The following NCOR2 variants were observed in gnomAD, a reference collection of about 807,000 sequenced individuals.
The protein encoded by NCOR2 is nuclear receptor corepressor 2.
Under a neutral mutation model 262.9 loss-of-function variants are expected in NCOR2, and 81 were observed. The observed-to-expected ratio is 0.31, with a 90% CI of 0.26 to 0.37. NCOR2 has a LOEUF of 0.37. Ranked by LOEUF, NCOR2 falls within the 10% of genes least tolerant of loss-of-function variation. The pLI is 1.00. For missense variants in NCOR2, 3,385 were observed against 3,621.4 expected (o/e 0.93, Z 1.68); for synonymous variants, 1,659 against 1,559.3 (o/e 1.06, Z -1.51).
chr12:124,332,696 C>T (rs1343216908), intron 42 of NCOR2, among the ~76,000 whole-genome samples: 2 of 152,170 alleles, frequency 1.3e-5, no homozygotes, highest in Non-Finnish European at 2.9e-5. Flanking sequence ...GCGTGGTGGG[C>T]TGCCTCTGAC....
chr12:124,483,503 T>A lies in NCOR2; in HGVS notation c.411+93A>T. The A allele has an allele frequency of 4.1e-5, 53 of 1,278,250 alleles. No homozygotes were observed. The highest frequency in any genetic ancestry group is 2.8e-4 in the Middle Eastern group (1 of 3,524). 79.2% of individuals were successfully genotyped at this position (1,278,250 alleles called of 1,614,324 possible). A position where few individuals can be genotyped will look rare whatever the true frequency, so the allele number is the denominator to read the frequency against. ...CCAAGCCTTTGCCCGAGCTGCCCCC[T>A]CCCTGCACCCCTACCCACCACCTCC... On this transcript the variant is annotated intron_variant, in intron 3 of 46. Transcript: ENST00000405201. The surrounding 1 kb of genome is among the most constrained non-coding windows in gnomAD (Gnocchi z 6.3).
At chr12:124,445,907 GTGAGCACGTCTGAAAC>G (rs912680426) in intron 7 of NCOR2, among the ~76,000 whole-genome samples, 6 of 152,240 alleles carry the variant, frequency 3.9e-5, no homozygotes, top group African/African-American at 1.4e-4. Flanking sequence ...ACTGACCTTA[GTGAGCACGTCTGAAAC>G]TGAGCCCTAG....
At chr12:124,560,484 G>A (rs2052032342) in intron 1 of NCOR2, among the ~76,000 whole-genome samples, 1 of 152,216 alleles carries the variant, frequency 6.6e-6, no homozygotes, top group Admixed American at 6.5e-5. Flanking sequence ...GAAACAGGTG[G>A]TGGGCTGGCC....
intron 8 of NCOR2, 76 bp downstream of exon 10, chr12:124,437,854 G>GC: frequency 7.2e-7 from 1 of 1,386,314 alleles, no homozygotes; most frequent in Non-Finnish European, 1.0e-6. Flanking sequence ...CAGGGCCCCG[G>GC]CAGGTGTGGC....
upstream of NCOR2, among the ~76,000 whole-genome samples, chr12:124,540,349 A>G (rs957500897): frequency 6.9e-6 from 1 of 145,630 alleles, no homozygotes; most frequent in Non-Finnish European, 1.5e-5. Context: ...CAGCCTGTGC[A>G]AAGGCCCAGG....
intron 24 of NCOR2, 191 bp downstream of exon 26, chr12:124,355,239 TAC>T (rs1190216041): frequency 1.5e-6 from 1 of 675,972 alleles, no homozygotes; most frequent in African/African-American, 1.8e-5. Flanking sequence ...TTGACTGCAA[TAC>T]AGAGTGACCC....
intron 45 of NCOR2, among the ~76,000 whole-genome samples, chr12:124,326,639 G>C (rs1030573867): frequency 6.6e-6 from 1 of 152,080 alleles, no homozygotes; most frequent in East Asian, 1.9e-4. Flanking sequence ...ATAGCCCCCT[G>C]GGCTGTCCTG....
rs1215659717 is a variant in NCOR2 at position 124,517,495 on chromosome 12, G to A, written c.-118+18070C>T. Reference sequence around the variant, plus strand: ...TGATTTCAAACCAGACATGGGCACCGAGCCAAGCGCCACCTCGGTGGGGAG... The same window carrying A: ...TGATTTCAAACCAGACATGGGCACCAAGCCAAGCGCCACCTCGGTGGGGAG... On this transcript the variant is annotated intron_variant, in intron 1 of 46. Coordinates refer to the NCOR2 transcript ENST00000404621. The surrounding 1 kb of genome is among the most constrained non-coding windows in gnomAD (Gnocchi z 7.6). Among the ~76,000 whole-genome samples the A allele has an allele frequency of 6.6e-6, 1 of 152,196 alleles. No individual in the cohort carries two copies. The highest frequency in any genetic ancestry group is 1.9e-4 in the East Asian group (1 of 5,174).
intron 13 of NCOR2, among the ~76,000 whole-genome samples, chr12:124,417,429 G>T (rs1352976662): frequency 6.6e-6 from 1 of 152,146 alleles, no homozygotes; most frequent in East Asian, 1.9e-4. Context: ...GTGCAAATGT[G>T]GCTCTCACAC....
chr12:124,566,495 C>A lies in NCOR2; in HGVS notation c.-165+813G>T, dbSNP rs1007928137. 2.6e-4 allele frequency among the ~76,000 whole-genome samples: 39 copies of A among 152,194 alleles called. No homozygotes were observed. Among genetic ancestry groups the A allele is most frequent in the Non-Finnish European group, 4.6e-4 (31 of 68,024 alleles). ...CTGCAAGTGTCTGGGGCGGGGAGGG[C>A]GTACCCCACGGGTGCCCTCACTCCC... On this transcript the variant is annotated intron_variant, in intron 1 of 32. Transcript: ENST00000458234. This position sits in a 1 kb window ranked among gnomAD's most constrained non-coding sequence, Gnocchi z 4.3.
At chr12:124,348,356 G>A in intron 28 of NCOR2, 42 bp from the exon 31 acceptor site, 2 of 1,560,876 alleles carry the variant, frequency 1.3e-6, no homozygotes, top group Non-Finnish European at 8.7e-7. Context: ...CTGGGCACGG[G>A]CCCAGGACCA....
intron 7 of NCOR2, among the ~76,000 whole-genome samples, chr12:124,446,766 T>C (rs1356658334): frequency 6.6e-6 from 1 of 152,204 alleles, no homozygotes; most frequent in South Asian, 2.1e-4. Flanking sequence ...ATAGAAGGGA[T>C]GATAATTTTA....
At chr12:124,336,862 G>A in exon 38 of NCOR2, 2 of 1,611,768 alleles carry the variant, frequency 1.2e-6, no homozygotes, top group Non-Finnish European at 1.7e-6. Context: ...GGCTGGCGTG[G>A]TGAGGTGCGA....
At chr12:124,543,284 C>T (rs1264772156) in intron 1 of NCOR2, among the ~76,000 whole-genome samples, 1 of 152,260 alleles carries the variant, frequency 6.6e-6, no homozygotes, top group Non-Finnish European at 1.5e-5. Flanking sequence ...CTGCTCCCAA[C>T]AAGGAAGGCT....
chr12:124,471,941 C>T (rs1593705049), intron 4 of NCOR2, among the ~76,000 whole-genome samples: 1 of 152,242 alleles, frequency 6.6e-6, no homozygotes, highest in South Asian at 2.1e-4. Flanking sequence ...GTTGTGATGA[C>T]TTAACTCTGC....
At chr12:124,515,002 C>T (rs1157629848) in intron 1 of NCOR2, among the ~76,000 whole-genome samples, 2 of 152,074 alleles carry the variant, frequency 1.3e-5, no homozygotes, top group African/African-American at 2.4e-5. Context: ...GCCTCCACCA[C>T]GCCACTCTGA....
At chr12:124,512,860 C>T (rs528918694) in intron 1 of NCOR2, among the ~76,000 whole-genome samples, 2 of 152,262 alleles carry the variant, frequency 1.3e-5, no homozygotes, top group East Asian at 1.9e-4. Context: ...GCCTCTCGGC[C>T]GAGGGCCAAA....
At chr12:124,479,369 TCACG>T (rs2047289444) in intron 3 of NCOR2, among the ~76,000 whole-genome samples, 1 of 148,868 alleles carries the variant, frequency 6.7e-6, no homozygotes, top group Non-Finnish European at 1.5e-5. Context: ...ACATGCACAC[TCACG>T]CACACACACA....
intron 37 of NCOR2, among the ~76,000 whole-genome samples, chr12:124,339,464 C>T (rs919508000): frequency 2.0e-5 from 3 of 148,438 alleles, no homozygotes; most frequent in Admixed American, 6.7e-5. Context: ...ACTTACCTAC[C>T]TAACGTGACC....
Sources: allele counts gnomAD v4.1 joint callset (sites outside exome capture counted in the v4.1 genomes callset), GRCh38; gene constraint gnomAD v4.1.1; non-coding constraint Gnocchi (gnomAD v3.1); transcripts MANE v1.5; gene names NCBI Gene and HGNC (gene_info 2026-07-23, HGNC 2026-07-21).